Variants in USP13 observed in about 807,000 individuals in gnomAD.
USP13 encodes the protein ubiquitin carboxyl-terminal hydrolase 13.
In USP13, 68 loss-of-function variants were observed where a neutral mutation model predicts 107.8. The ratio of observed to expected loss-of-function variants is 0.63; its 90% confidence interval spans 0.52 to 0.77. USP13 has a LOEUF of 0.77. USP13 is among the 30% of genes least tolerant of loss of function. The pLI, the probability that USP13 is intolerant of heterozygous loss-of-function variation, is 0.00. For synonymous variants in USP13, 377 were observed against 389.5 expected (o/e 0.97, Z 0.38); for missense variants, 945 against 1,093.3 (o/e 0.86, Z 1.91).
At chr3:179,758,649 C>A in intron 16 of USP13, among the ~76,000 whole-genome samples, 1 of 151,636 alleles carries the variant, frequency 6.6e-6, no homozygotes, top group South Asian at 2.1e-4. Context: ...CAGGCGCCTG[C>A]CACCACAACC....
At chr3:179,691,915 C>G (rs1576928985) in intron 3 of USP13, among the ~76,000 whole-genome samples, 1 of 152,174 alleles carries the variant, frequency 6.6e-6, no homozygotes, top group Non-Finnish European at 1.5e-5. Context: ...TTTGACCAAA[C>G]AAGTTTATGT....
chr3:179,732,367 C>T (rs1268353416), intron 10 of USP13, among the ~76,000 whole-genome samples: 1 of 152,216 alleles, frequency 6.6e-6, no homozygotes, highest in Non-Finnish European at 1.5e-5. Context: ...GTTCTGCGTT[C>T]TCAAACAGGC....
chr3:179,653,454 G>T lies in USP13; in HGVS notation c.168+61G>T. 2 of 1,522,914 alleles carry T rather than the reference G, an allele frequency of 1.3e-6. No individual in the cohort carries two copies. Among genetic ancestry groups the T allele is most frequent in the East Asian group, 2.5e-5 (1 of 39,308 alleles). The allele number at this position is 1,522,914 out of a possible 1,614,324, so 94.3% of individuals were successfully genotyped here. ...GGCGGCCTGCGGCACGTGAAGCCGG[G>T]GGAGAAGATGCGCAGTGGCGGCCGG... On this transcript the variant is annotated intron_variant, in intron 1 of 20. Transcript: ENST00000263966. The surrounding 1 kb of genome is among the most constrained non-coding windows in gnomAD (Gnocchi z 4.0).
At chr3:179,768,916 A>G (rs1249951534) in intron 19 of USP13, among the ~76,000 whole-genome samples, 1 of 152,220 alleles carries the variant, frequency 6.6e-6, no homozygotes, top group Admixed American at 6.5e-5. Context: ...CTTTGTAAAA[A>G]AATTAACACT....
At chr3:179,740,406 G>A in intron 11 of USP13, 34 bp downstream of exon 11, 1 of 1,613,138 alleles carries the variant, frequency 6.2e-7, no homozygotes. Flanking sequence ...GCTCAGCGGG[G>A]TTGTAAGAGG....
intron 9 of USP13, 147 bp from the exon 10 acceptor site, chr3:179,730,468 GA>G: frequency 1.2e-6 from 1 of 834,874 alleles, no homozygotes; most frequent in South Asian, 1.9e-5. Context: ...GTATGAAGCA[GA>G]ATCAAATAAA....
chr3:179,669,214 A>G (rs899200029), intron 1 of USP13, among the ~76,000 whole-genome samples: 1 of 152,234 alleles, frequency 6.6e-6, no homozygotes, highest in Non-Finnish European at 1.5e-5. Flanking sequence ...TAATCCCAGC[A>G]CTTTGGGAGG....
chr3:179,697,743 T>G (rs955404236), intron 3 of USP13, among the ~76,000 whole-genome samples: 1 of 152,004 alleles, frequency 6.6e-6, no homozygotes, highest in African/African-American at 2.4e-5. Flanking sequence ...GGCTGTGGGG[T>G]CATATGTGTT....
intron 2 of USP13, among the ~76,000 whole-genome samples, chr3:179,688,148 T>G (rs1168903167): frequency 6.7e-6 from 1 of 148,218 alleles, no homozygotes; most frequent in African/African-American, 2.5e-5. Flanking sequence ...CATCCATCCA[T>G]CCGTATATCC....
At chr3:179,720,136 G>T in intron 7 of USP13, 102 bp downstream of exon 7, 2 of 741,980 alleles carry the variant, frequency 2.7e-6, no homozygotes, top group Non-Finnish European at 4.1e-6. Context: ...CCTCTAACGT[G>T]GATCTTCATT....
At chr3:179,766,584 A>C (rs1282156253) in intron 19 of USP13, among the ~76,000 whole-genome samples, 2 of 152,234 alleles carry the variant, frequency 1.3e-5, no homozygotes. Context: ...TGACAGGAAG[A>C]GGCGCCATAG....
intron 18 of USP13, among the ~76,000 whole-genome samples, chr3:179,764,821 T>A (rs1184070366): frequency 6.6e-6 from 1 of 152,224 alleles, no homozygotes; most frequent in Non-Finnish European, 1.5e-5. Flanking sequence ...TTTGAGTAGA[T>A]ATCTGCTCTC....
chr3:179,759,948 A>G (rs895799881), intron 16 of USP13, among the ~76,000 whole-genome samples: 3 of 152,216 alleles, frequency 2.0e-5, no homozygotes, highest in African/African-American at 7.2e-5. Context: ...CTGGGATTAC[A>G]GGCGTGAGCC....
intron 13 of USP13, 144 bp from the exon 14 acceptor site, chr3:179,752,140 AC>A: frequency 1.5e-6 from 1 of 666,664 alleles, no homozygotes; most frequent in Non-Finnish European, 2.7e-6. Context: ...GTGTCCACTT[AC>A]ATGTCTGTGT....
At chr3:179,782,555 G>A (rs1715783782) in intron 20 of USP13, among the ~76,000 whole-genome samples, 1 of 152,168 alleles carries the variant, frequency 6.6e-6, no homozygotes, top group Non-Finnish European at 1.5e-5. Flanking sequence ...TGAGTAGCCT[G>A]TGGGTTGGCA....
intron 19 of USP13, among the ~76,000 whole-genome samples, chr3:179,774,166 G>A (rs1167196068): frequency 1.3e-5 from 2 of 152,144 alleles, no homozygotes; most frequent in Non-Finnish European, 2.9e-5. Flanking sequence ...GAGAAGAGGT[G>A]TCATGTTTTT....
Position 179,678,478 on chromosome 3 carries a change from A to T in USP13, c.169-3400A>T, listed in dbSNP as rs908049053. Reference sequence around the variant, plus strand: ...ATAATTATAAGCTTTTTTGGATGCTATTTTTTTTTTTTGAGACAGGGTCTC... The same window carrying T: ...ATAATTATAAGCTTTTTTGGATGCTTTTTTTTTTTTTTGAGACAGGGTCTC... On this transcript the variant is annotated intron_variant, in intron 1 of 20. Transcript: ENST00000263966. The surrounding 1 kb of genome is among the most constrained non-coding windows in gnomAD (Gnocchi z 4.2). 1.8e-4 allele frequency among the ~76,000 whole-genome samples: 26 copies of T among 147,850 alleles called. No homozygotes were observed. Among genetic ancestry groups the T allele is most frequent in the African/African-American group, 5.7e-4 (23 of 40,450 alleles).
Position 179,775,614 on chromosome 3 carries a change from G to A in USP13, c.2414-6125G>A, listed in dbSNP as rs548977062. Among the ~76,000 whole-genome samples the A allele has an allele frequency of 1.1e-4, 17 of 152,348 alleles. No individual in the cohort carries two copies. The South Asian group carries it at 2.9e-3, about 26-fold the overall frequency. On this transcript the variant is annotated intron_variant, in intron 19 of 20. Transcript: ENST00000263966. ...CTTGGGCCATGCAGGAGCCCACCACGGTGGGGGCTCAGGCATGGCAGGCTG... is the reference window on the plus strand; with the variant it reads ...CTTGGGCCATGCAGGAGCCCACCACAGTGGGGGCTCAGGCATGGCAGGCTG...
At chr3:179,682,051 C>A in intron 2 of USP13, 48 bp downstream of exon 2, 1 of 1,567,818 alleles carries the variant, frequency 6.4e-7, no homozygotes, top group Non-Finnish European at 8.7e-7. Flanking sequence ...TTCCCTGTAA[C>A]GTTGTCTCAG....
Sources: gnomAD v4.1 joint callset for allele counts (sites outside exome capture counted in the v4.1 genomes callset) on GRCh38, gnomAD v4.1.1 for gene constraint, Gnocchi (gnomAD v3.1) non-coding constraint, MANE v1.5 for transcripts, NCBI Gene and HGNC (gene_info 2026-07-23, HGNC 2026-07-21) for gene names.